The following RNF182 variants were observed in gnomAD, a reference collection of about 807,000 sequenced individuals.
RNF182 encodes the protein E3 ubiquitin-protein ligase RNF182.
Under a neutral mutation model 14.4 loss-of-function variants are expected in RNF182, and 15 were observed. That is an observed-to-expected ratio of 1.04 (90% confidence interval 0.70 to 1.60). The LOEUF (loss-of-function observed/expected upper bound fraction) is 1.60. Among genes scored for constraint, RNF182 ranks in the 40% most tolerant of loss-of-function variants. RNF182 has a pLI of 0.00. For missense variants in RNF182, 268 were observed against 294.8 expected, an observed-to-expected ratio of 0.91 and a Z score of 0.67; for synonymous variants, 128 against 122.9, an observed-to-expected ratio of 1.04 and a Z score of -0.27.
intron 1 of RNF182, among the ~76,000 whole-genome samples, chr6:13,969,265 G>A (rs1285132773): frequency 6.6e-6 from 1 of 152,022 alleles, no homozygotes; most frequent in Non-Finnish European, 1.5e-5. Context: ...CCTGGTCCCT[G>A]TCCTGTCCTG....
rs116815874 is a variant in RNF182 at position 13,930,528 on chromosome 6, C to A, written c.-367+5505C>A. ...ACTAAGTGATACTCCCTTCTCACTC[C>A]CTCCCAGTAGAACTCTGCATGTCCC... On this transcript the variant is annotated intron_variant, in intron 1 of 2. Coordinates refer to ENST00000488300, the MANE Select transcript of RNF182 (RefSeq NM_152737.4). Among the ~76,000 whole-genome samples, 519 of 152,262 alleles carry A rather than the reference C, an allele frequency of 3.4e-3. 2 individuals carry two copies. The highest frequency in any genetic ancestry group is 0.012 in the African/African-American group (489 of 41,560).
chr6:13,931,756 C>T (rs182302111), intron 1 of RNF182, among the ~76,000 whole-genome samples: 186 of 152,082 alleles, frequency 1.2e-3, no homozygotes, highest in Non-Finnish European at 2.3e-3. Context: ...GCTGCTTAAT[C>T]TCTCTGTGCC....
At chr6:13,928,574 A>T (rs569539461) in intron 1 of RNF182, among the ~76,000 whole-genome samples, 13 of 152,280 alleles carry the variant, frequency 8.5e-5, no homozygotes, top group Admixed American at 6.5e-4. Flanking sequence ...TTAATTTGTA[A>T]TTTGATCAGA....
In RNF182 at chr6:13,939,388, G is replaced by A. The variant is rs116300406; in HGVS notation, c.-367+14365G>A. ...GTTGTCTTTAATTTCTCTAAGTAATGTTTTGAAGTTCTCTCTGTAGTATTG... is the reference window on the plus strand; with the variant it reads ...GTTGTCTTTAATTTCTCTAAGTAATATTTTGAAGTTCTCTCTGTAGTATTG... On this transcript the variant is annotated intron_variant, in intron 1 of 2. Coordinates refer to ENST00000488300, the MANE Select transcript of RNF182 (RefSeq NM_152737.4). 3.4e-3 allele frequency among the ~76,000 whole-genome samples: 516 copies of A among 151,930 alleles called. 15 individuals carry two copies. The highest frequency in any genetic ancestry group is 3.6e-3 in the Non-Finnish European group (242 of 67,930).
At chr6:13,975,019 G>A (rs1286769052) in intron 2 of RNF182, among the ~76,000 whole-genome samples, 2 of 152,172 alleles carry the variant, frequency 1.3e-5, no homozygotes, top group Non-Finnish European at 2.9e-5. Flanking sequence ...CCATTTGGGT[G>A]GGCTGAAGTC....
At chr6:13,960,697 G>GTGCA (rs1554126701) in intron 1 of RNF182, among the ~76,000 whole-genome samples, 1 of 149,730 alleles carries the variant, frequency 6.7e-6, no homozygotes, top group African/African-American at 2.5e-5. Context: ...GTGTGTGCGC[G>GTGCA]CGTGCACATG....
At chr6:13,956,274 G>T (rs546036092) in intron 1 of RNF182, among the ~76,000 whole-genome samples, 2 of 148,558 alleles carry the variant, frequency 1.3e-5, no homozygotes, top group Admixed American at 6.7e-5. Context: ...GCTGCACACT[G>T]TCTCTGCTTT....
intron 1 of RNF182, among the ~76,000 whole-genome samples, chr6:13,946,140 C>CATCATTATT (rs1554125653): frequency 2.2e-5 from 3 of 137,412 alleles, no homozygotes; most frequent in African/African-American, 5.4e-5. Flanking sequence ...TAAAGCAAAA[C>CATCATTATT]ATTATTATTA....
At chr6:13,963,052 T>C (rs280184) in intron 1 of RNF182, among the ~76,000 whole-genome samples, 60,939 of 152,058 alleles carry the variant, frequency 0.4, 13,497 homozygotes, top group Middle Eastern at 0.51. Flanking sequence ...GATACTTCAA[T>C]GGATGTTCAT....
At chr6:13,950,333 G>A (rs1759555952) in intron 1 of RNF182, among the ~76,000 whole-genome samples, 1 of 152,088 alleles carries the variant, frequency 6.6e-6, no homozygotes, top group African/African-American at 2.4e-5. Flanking sequence ...GGAATTCGCT[G>A]TAAAGCAGAC....
chr6:13,965,883 A>G (rs187894112), intron 1 of RNF182, among the ~76,000 whole-genome samples: 2 of 152,350 alleles, frequency 1.3e-5, no homozygotes, highest in East Asian at 1.9e-4. Context: ...ACAATGTATA[A>G]GAAAACAGGA....
At chr6:13,964,853 C>T in intron 1 of RNF182, among the ~76,000 whole-genome samples, 1 of 152,150 alleles carries the variant, frequency 6.6e-6, no homozygotes, top group South Asian at 2.1e-4. Context: ...TTGGGTGCGT[C>T]CTTTGGAGCA....
chr6:13,966,564 A>G (rs1373907974), intron 1 of RNF182, among the ~76,000 whole-genome samples: 5 of 152,044 alleles, frequency 3.3e-5, no homozygotes, highest in South Asian at 2.1e-4. Flanking sequence ...GGAGTTTGAG[A>G]CCAGCCTGGG....
intron 1 of RNF182, chr6:13,949,061 T>G (rs1040196836): frequency 3.9e-5 from 26 of 668,818 alleles, no homozygotes; most frequent in Admixed American, 6.7e-5. Context: ...TCACAAACCT[T>G]TTATAACCCT....
rs1760417348 is a variant in RNF182, at chr6:13,978,774, C to G, written c.*911C>G. The G allele has an allele frequency of 6.0e-6, 1 of 166,752 alleles. No homozygotes were observed. 10.3% of individuals were successfully genotyped at this position (166,752 alleles called of 1,614,324 possible). A position where few individuals can be genotyped will look rare whatever the true frequency, so the allele number is the denominator to read the frequency against. ...TATAAATTCATCAATACTTTTTTTC[C>G]CTATTATATTTTTGGTTCTATTAGG... On this transcript the variant is annotated 3_prime_UTR_variant, in exon 3 of 3. Transcript: ENST00000488300.
At chr6:13,937,846 A>G (rs1305488269) in intron 1 of RNF182, among the ~76,000 whole-genome samples, 1 of 152,204 alleles carries the variant, frequency 6.6e-6, no homozygotes, top group Non-Finnish European at 1.5e-5. Context: ...TCATAGTAGC[A>G]GATGAAAAAT....
chr6:13,958,585 T>A (rs1232695301), intron 1 of RNF182, among the ~76,000 whole-genome samples: 1 of 152,166 alleles, frequency 6.6e-6, no homozygotes, highest in African/African-American at 2.4e-5. Flanking sequence ...TATTATCTAC[T>A]CTGTGCTAGC....
chr6:13,944,836 G>T (rs280153), intron 1 of RNF182, among the ~76,000 whole-genome samples: 124,926 of 152,130 alleles, frequency 0.82, 52,092 homozygotes, highest in Middle Eastern at 0.91. Context: ...CAACCCAGAT[G>T]TTTTTGACTT....
intron 1 of RNF182, among the ~76,000 whole-genome samples, chr6:13,959,198 A>G (rs968495088): frequency 6.6e-6 from 1 of 152,234 alleles, no homozygotes; most frequent in Non-Finnish European, 1.5e-5. Context: ...GACTAAGGCA[A>G]GATCTCTAAG....
Sources: gnomAD v4.1 joint callset for allele counts (sites outside exome capture counted in the v4.1 genomes callset) on GRCh38, gnomAD v4.1.1 for gene constraint, MANE v1.5 for transcripts, NCBI Gene and HGNC (gene_info 2026-07-23, HGNC 2026-07-21) for gene names.